Variants in UGT3A1 observed in about 807,000 individuals in gnomAD.
UGT3A1 encodes UDP glycosyltransferase family 3 member A1.
Under a neutral mutation model 37.6 loss-of-function variants are expected in UGT3A1, and 40 were observed. The ratio of observed to expected loss-of-function variants is 1.06; its 90% CI spans 0.83 to 1.38. UGT3A1 has a LOEUF of 1.38. Among genes scored for constraint, UGT3A1 ranks in the 40% most tolerant of loss-of-function variants. The pLI is 0.00. For missense variants in UGT3A1, 642 were observed against 634.2 expected (o/e 1.01, Z -0.13); for synonymous variants, 256 against 232.3 (o/e 1.10, Z -0.93).
upstream of UGT3A1, among the ~76,000 whole-genome samples, chr5:35,993,254 A>G (rs1325258077): frequency 5.3e-5 from 8 of 152,132 alleles, no homozygotes; most frequent in East Asian, 7.7e-4. Flanking sequence ...TCACAAGGTC[A>G]GGAGATTAAG....
At chr5:35,967,736 C>T (rs369288553) in intron 3 of UGT3A1, among the ~76,000 whole-genome samples, 6 of 152,078 alleles carry the variant, frequency 3.9e-5, no homozygotes, top group Non-Finnish European at 4.4e-5. Flanking sequence ...TCTATAGAAC[C>T]CTTACGGTAG....
intron 1 of UGT3A1, chr5:36,000,842 A>G (rs1443472011): frequency 6.6e-6 from 1 of 152,232 alleles, no homozygotes; most frequent in Non-Finnish European, 1.5e-5. Flanking sequence ...GAATTTCACA[A>G]CCTTGCTATC....
chr5:35,991,254 G>A lies in UGT3A1; in HGVS notation c.-14C>T. ...CTGCCCAACCATGCTCACTTCCACAGAAGCAGCGGATCTCAGCCTGGGCTG... is the reference window on the plus strand; with the variant it reads ...CTGCCCAACCATGCTCACTTCCACAAAAGCAGCGGATCTCAGCCTGGGCTG... On this transcript the variant is annotated 5_prime_UTR_variant, in exon 1 of 7. Transcript: ENST00000274278. 1 of 1,614,180 alleles carries A rather than the reference G, an allele frequency of 6.2e-7. No individual in the cohort carries two copies. Among genetic ancestry groups the A allele is most frequent in the South Asian group, 1.1e-5 (1 of 91,078 alleles).
chr5:35,997,765 T>G (rs1189178455), intron 1 of UGT3A1, among the ~76,000 whole-genome samples: 1 of 152,194 alleles, frequency 6.6e-6, no homozygotes, highest in Non-Finnish European at 1.5e-5. Context: ...ACTCATCCAG[T>G]ATGTGCATGA....
At chr5:35,961,184 C>T (rs1167457888) in intron 4 of UGT3A1, 1 of 152,202 alleles carries the variant, frequency 6.6e-6, no homozygotes, top group African/African-American at 2.4e-5. Flanking sequence ...ATCATCTCCC[C>T]TCTCTGCAGA....
chr5:35,964,825 G>A (rs1328628741), intron 4 of UGT3A1, among the ~76,000 whole-genome samples: 1 of 152,168 alleles, frequency 6.6e-6, no homozygotes, highest in African/African-American at 2.4e-5. Context: ...AATCACCCAG[G>A]CAGCATTTAC....
Position 35,952,495 on chromosome 5 carries a change from TTA to T in UGT3A1, c.*1705_*1706del, listed in dbSNP as rs1739216578. The T allele has an allele frequency of 6.6e-6, 1 of 152,166 alleles. No individual in the cohort carries two copies. Among genetic ancestry groups the T allele is most frequent in the Admixed American group, 6.5e-5 (1 of 15,280 alleles). The allele number at this position is 152,166 out of a possible 1,614,324, so 9.4% of individuals were successfully genotyped here. A position where few individuals can be genotyped will look rare whatever the true frequency, so the allele number is the denominator to read the frequency against. On this transcript the variant is annotated 3_prime_UTR_variant, in exon 7 of 7. Transcript: ENST00000274278. ...CTCATTGGCTGCTTATGATCAGATT[TTA>T]GGGATGCAAGTTTATACAAGTGGCA...
At chr5:35,978,702 A>C (rs1420946771) in intron 2 of UGT3A1, among the ~76,000 whole-genome samples, 1 of 152,112 alleles carries the variant, frequency 6.6e-6, no homozygotes, top group African/African-American at 2.4e-5. Context: ...GGCCACTCCC[A>C]AATCTCACGT....
rs77107973 is a variant in UGT3A1 at position 35,986,274 on chromosome 5, A to C, written c.196+2176T>G. Among the ~76,000 whole-genome samples, 1,086 of 152,262 alleles carry C rather than the reference A, an allele frequency of 7.1e-3. 5 individuals are homozygous for C. Among genetic ancestry groups the C allele is most frequent in the Non-Finnish European group, 9.3e-3 (634 of 67,968 alleles). On this transcript the variant is annotated intron_variant, in intron 2 of 6. Transcript: ENST00000274278. ...GAAAACTCTATCAAGATTCCTCAAA[A>C]AACTAAAGACAGAACTACCATATGA...
upstream of UGT3A1, among the ~76,000 whole-genome samples, chr5:35,993,767 T>C (rs1307142304): frequency 6.6e-6 from 1 of 152,178 alleles, no homozygotes; most frequent in Non-Finnish European, 1.5e-5. Context: ...TCATCTCTCG[T>C]GTTTGGTTCC....
chr5:35,968,439 T>C (rs555772898), intron 2 of UGT3A1, among the ~76,000 whole-genome samples: 4 of 152,316 alleles, frequency 2.6e-5, no homozygotes, highest in South Asian at 2.1e-4. Context: ...ACTAATGCAG[T>C]GTGAGGTAAT....
intron 2 of UGT3A1, among the ~76,000 whole-genome samples, chr5:35,969,557 G>T (rs1015528374): frequency 1.3e-5 from 2 of 151,784 alleles, no homozygotes; most frequent in African/African-American, 4.8e-5. Flanking sequence ...AAGGGGTGGG[G>T]AGGGGGACGG....
intron 1 of UGT3A1, among the ~76,000 whole-genome samples, chr5:35,999,868 G>T (rs932757586): frequency 6.6e-6 from 1 of 152,068 alleles, no homozygotes; most frequent in Non-Finnish European, 1.5e-5. Context: ...TTTTCCATTG[G>T]GTTGAAGCTT....
chr5:35,975,426 C>T (rs139757872), intron 2 of UGT3A1, among the ~76,000 whole-genome samples: 203 of 152,286 alleles, frequency 1.3e-3, no homozygotes, highest in African/African-American at 4.7e-3. Context: ...ACTCAAAAAG[C>T]CACTTACTCT....
chr5:35,998,111 A>G (rs1249100870), intron 1 of UGT3A1, among the ~76,000 whole-genome samples: 1 of 152,222 alleles, frequency 6.6e-6, no homozygotes, highest in Non-Finnish European at 1.5e-5. Context: ...TGATCCCATC[A>G]TGTGGACTCC....
chr5:35,991,015 C>T (rs776498611), intron 1 of UGT3A1, 132 bp downstream of exon 1: 174 of 1,595,512 alleles, frequency 1.1e-4, no homozygotes, highest in Non-Finnish European at 1.4e-4. Flanking sequence ...GCTTCTCCCT[C>T]CTCCAGCCAG....
rs184284378 is a variant in UGT3A1, at chr5:35,981,334, C to G, written c.196+7116G>C. Among the ~76,000 whole-genome samples, 14 of 152,246 alleles carry G rather than the reference C, an allele frequency of 9.2e-5. No individual in the cohort carries two copies. The East Asian group carries it at 2.3e-3, about 25-fold the overall frequency. On this transcript the variant is annotated intron_variant, in intron 2 of 6. Transcript: ENST00000274278. ...GAGAATGAGACAGTTCCAAGGGCCA[C>G]AGAAGAGTGGCCCTTGTTGAATGAT...
At chr5:35,989,623 C>T (rs1470696821) in intron 1 of UGT3A1, among the ~76,000 whole-genome samples, 1 of 152,144 alleles carries the variant, frequency 6.6e-6, no homozygotes, top group African/African-American at 2.4e-5. Context: ...AAGGGGTCCT[C>T]ACAGAAACAG....
chr5:35,985,667 A>C (rs1486698116), intron 2 of UGT3A1, among the ~76,000 whole-genome samples: 1 of 152,212 alleles, frequency 6.6e-6, no homozygotes, highest in Non-Finnish European at 1.5e-5. Context: ...GCAAAGAACA[A>C]AACCAAGCCA....
Sources: allele counts gnomAD v4.1 joint callset (sites outside exome capture counted in the v4.1 genomes callset), GRCh38; gene constraint gnomAD v4.1.1; transcripts MANE v1.5; gene names NCBI Gene and HGNC (gene_info 2026-07-23, HGNC 2026-07-21).